The following PDZRN4 variants were observed in gnomAD, a reference collection of about 807,000 sequenced individuals.
The protein encoded by PDZRN4 is PDZ domain-containing RING finger protein 4.
A neutral mutation model predicts 99.0 loss-of-function variants in PDZRN4; 70 were observed. The ratio of observed to expected loss-of-function variants is 0.71; its 90% CI spans 0.58 to 0.86. The LOEUF is 0.86. Among genes scored for constraint, PDZRN4 ranks in the 40% least tolerant of loss-of-function variants. The pLI, the probability that PDZRN4 is intolerant of heterozygous loss-of-function variation, is 0.00. For missense variants in PDZRN4, 1,474 were observed against 1,331.2 expected (o/e 1.11, Z -1.67); for synonymous variants, 551 against 501.6 (o/e 1.10, Z -1.32).
At chr12:41,367,190 C>A (rs1340618209) in intron 3 of PDZRN4, among the ~76,000 whole-genome samples, 1 of 152,082 alleles carries the variant, frequency 6.6e-6, no homozygotes, top group Non-Finnish European at 1.5e-5. Context: ...TGCTTAAGAT[C>A]TGAAACTTGA....
intron 3 of PDZRN4, among the ~76,000 whole-genome samples, chr12:41,343,890 T>G (rs1209440375): frequency 2.6e-5 from 4 of 151,910 alleles, no homozygotes; most frequent in African/African-American, 4.8e-5. Context: ...AACAAGAAAG[T>G]TAAAAAAAGC....
intron 3 of PDZRN4, among the ~76,000 whole-genome samples, chr12:41,395,200 TCCTCTTGAGTATAGCC>T (rs1308922106): frequency 6.6e-6 from 1 of 151,872 alleles, no homozygotes; most frequent in Non-Finnish European, 1.5e-5. Context: ...CTTAAATACA[TCCTCTTGAGTATAGCC>T]CCTCTTAATA....
At chr12:41,548,970 AT>A (rs1028834438) in intron 5 of PDZRN4, among the ~76,000 whole-genome samples, 23 of 152,016 alleles carry the variant, frequency 1.5e-4, no homozygotes, top group African/African-American at 5.6e-4. Context: ...CTGAAGTTTG[AT>A]TTTTTTTAAA....
At chr12:41,447,412 T>C (rs957849927) in intron 3 of PDZRN4, among the ~76,000 whole-genome samples, 11 of 152,158 alleles carry the variant, frequency 7.2e-5, no homozygotes, top group African/African-American at 2.7e-4. Flanking sequence ...AAGCATAGCA[T>C]GGGAGAAACA....
rs145100281 is a variant in PDZRN4, at chr12:41,498,570, G to A, written c.844-7886G>A. ...ATTGTTTTATCAGGAACCCACTCATGTGATAATAGCATTAATCCATCCGTC... is the reference window on the plus strand; with the variant it reads ...ATTGTTTTATCAGGAACCCACTCATATGATAATAGCATTAATCCATCCGTC... On this transcript the variant is annotated intron_variant, in intron 3 of 9. Transcript: ENST00000402685. Among the ~76,000 whole-genome samples, 370 of 152,200 alleles carry A rather than the reference G, an allele frequency of 2.4e-3. 2 individuals are homozygous for A. The highest frequency in any genetic ancestry group is 8.6e-3 in the African/African-American group (357 of 41,538).
At chr12:41,265,532 C>CA (rs1257740115) in intron 3 of PDZRN4, among the ~76,000 whole-genome samples, 1 of 152,026 alleles carries the variant, frequency 6.6e-6, no homozygotes, top group Non-Finnish European at 1.5e-5. Context: ...TATATTGCAT[C>CA]AAAAAAATTG....
intron 9 of PDZRN4, 26 bp from the exon 10 acceptor site, chr12:41,572,338 T>C (rs1416907815): frequency 6.4e-7 from 1 of 1,553,008 alleles, no homozygotes; most frequent in Non-Finnish European, 8.7e-7. Context: ...TTAATTTTCT[T>C]TGTTCTTTCA....
intron 3 of PDZRN4, among the ~76,000 whole-genome samples, chr12:41,196,338 G>T (rs1008194788): frequency 1.3e-5 from 2 of 151,976 alleles, no homozygotes; most frequent in African/African-American, 4.8e-5. Context: ...TTGTCTCAAT[G>T]ATATAGATTT....
chr12:41,367,458 G>A (rs1952009592), intron 3 of PDZRN4, among the ~76,000 whole-genome samples: 1 of 152,016 alleles, frequency 6.6e-6, no homozygotes, highest in South Asian at 2.1e-4. Flanking sequence ...GTAGTGAGTC[G>A]AGATCGTACC....
chr12:41,385,759 C>A (rs924865950), intron 3 of PDZRN4, among the ~76,000 whole-genome samples: 1 of 152,100 alleles, frequency 6.6e-6, no homozygotes, highest in Non-Finnish European at 1.5e-5. Flanking sequence ...AGAGTTGGTA[C>A]CATCCCTGCT....
intron 3 of PDZRN4, among the ~76,000 whole-genome samples, chr12:41,225,290 A>G (rs530725850): frequency 6.6e-6 from 1 of 152,276 alleles, no homozygotes; most frequent in South Asian, 2.1e-4. Context: ...CAGGAAGAAT[A>G]ATATCTTAAT....
Position 41,572,656 on chromosome 12 carries a change from G to C in PDZRN4, c.1877G>C (p.Arg626Thr). 2 of 1,614,182 alleles carry C rather than the reference G, an allele frequency of 1.2e-6. No individual in the cohort carries two copies. The highest frequency in any genetic ancestry group is 1.7e-6 in the Non-Finnish European group (2 of 1,180,022). ...GGCAACCCAGATGAGGACTGTGAAA[G>C]ATTCAGGCAGCTCTTGGAGCTCAAA... ...CIGNPDEDCE[R>T]FRQLLELKCK... The change falls in exon 10 of 10, where the codon AGA (arginine) becomes ACA (threonine). Residue 626 changes from arginine (R) to threonine (T), a missense_variant. Coordinates refer to ENST00000402685, the MANE Select transcript of PDZRN4 (RefSeq NM_001164595.2).
intron 3 of PDZRN4, among the ~76,000 whole-genome samples, chr12:41,334,794 A>G (rs1187749102): frequency 6.6e-6 from 1 of 152,170 alleles, no homozygotes; most frequent in Non-Finnish European, 1.5e-5. Context: ...TGTCACTGAA[A>G]CTGTAACCTT....
intron 3 of PDZRN4, among the ~76,000 whole-genome samples, chr12:41,264,313 T>C (rs1400250270): frequency 1.3e-5 from 2 of 152,186 alleles, no homozygotes; most frequent in Non-Finnish European, 2.9e-5. Flanking sequence ...ACATTGTTTT[T>C]TAAAATCATT....
chr12:41,534,612 C>T (rs285556), intron 5 of PDZRN4, among the ~76,000 whole-genome samples: 81,488 of 151,990 alleles, frequency 0.54, 22,561 homozygotes, highest in African/African-American at 0.69. Flanking sequence ...ATGTACATCT[C>T]CTAAAGTTTC....
At chr12:41,301,371 C>T (rs957873355) in intron 3 of PDZRN4, among the ~76,000 whole-genome samples, 3 of 151,910 alleles carry the variant, frequency 2.0e-5, no homozygotes, top group Non-Finnish European at 4.4e-5. Flanking sequence ...AGTGGAATAA[C>T]TGTATTATTG....
chr12:41,415,350 G>T (rs950601108), intron 3 of PDZRN4, among the ~76,000 whole-genome samples: 1 of 148,458 alleles, frequency 6.7e-6, no homozygotes, highest in East Asian at 1.9e-4. Context: ...AAATATATGT[G>T]TAATATATAA....
chr12:41,571,095 T>C (rs1301956694), intron 9 of PDZRN4, among the ~76,000 whole-genome samples: 7 of 152,136 alleles, frequency 4.6e-5, no homozygotes, highest in Non-Finnish European at 8.8e-5. Flanking sequence ...TTTAATTGTG[T>C]AATTACATCT....
Position 41,441,937 on chromosome 12 carries a change from C to A in PDZRN4, c.844-64519C>A, listed in dbSNP as rs144906085. Among the ~76,000 whole-genome samples, 339 of 152,206 alleles carry A rather than the reference C, an allele frequency of 2.2e-3. 3 individuals carry two copies. Among genetic ancestry groups the A allele is most frequent in the Non-Finnish European group, 3.6e-3 (247 of 67,986 alleles). ...ATCAATTCCTGCCTTCCCACAGTCA[C>A]AACTCCTTTGATTAACTCTCTCTGA... On this transcript the variant is annotated intron_variant, in intron 3 of 9. Coordinates refer to ENST00000402685, the MANE Select transcript of PDZRN4 (RefSeq NM_001164595.2).
Sources: gnomAD v4.1 joint callset for allele counts (sites outside exome capture counted in the v4.1 genomes callset) on GRCh38, gnomAD v4.1.1 for gene constraint, MANE v1.5 for transcripts, NCBI Gene and HGNC (gene_info 2026-07-23, HGNC 2026-07-21) for gene names.